TBC1D5: variants seen among roughly 807,000 people sequenced by gnomAD.
The protein encoded by TBC1D5 is TBC1 domain family member 5.
In TBC1D5, 75 loss-of-function variants were observed where a neutral mutation model predicts 100.3. That is an observed-to-expected ratio of 0.75 (90% CI 0.62 to 0.91). TBC1D5 has a LOEUF of 0.91. TBC1D5 is among the 40% of genes least tolerant of loss of function. The pLI, the probability that TBC1D5 is intolerant of heterozygous loss-of-function variation, is 0.00. For synonymous variants in TBC1D5, 323 were observed against 325.6 expected (o/e 0.99, Z 0.09); for missense variants, 910 against 942.4 (o/e 0.97, Z 0.45).
intron 8 of TBC1D5, among the ~76,000 whole-genome samples, chr3:17,389,683 T>C (rs2093291563): frequency 6.6e-6 from 1 of 152,120 alleles, no homozygotes; most frequent in African/African-American, 2.4e-5. Context: ...GCAACAGAGA[T>C]GAGCCATCCT....
chr3:17,459,631 C>T (rs971497445), intron 3 of TBC1D5, among the ~76,000 whole-genome samples: 13 of 151,998 alleles, frequency 8.6e-5, no homozygotes, highest in African/African-American at 3.1e-4. Flanking sequence ...GATGCAGCAG[C>T]GCTCACTTCC....
chr3:17,235,515 C>A (rs2075785753), intron 17 of TBC1D5, among the ~76,000 whole-genome samples: 1 of 152,190 alleles, frequency 6.6e-6, no homozygotes, highest in Admixed American at 6.5e-5. Context: ...TCTATGGGAC[C>A]AGGTGATATG....
At chr3:17,477,171 T>G (rs2095447553) in intron 3 of TBC1D5, among the ~76,000 whole-genome samples, 1 of 152,022 alleles carries the variant, frequency 6.6e-6, no homozygotes, top group Non-Finnish European at 1.5e-5. Context: ...CTTTTCCACT[T>G]TGCTAATAAG....
chr3:17,496,550 G>A (rs2095710076), intron 3 of TBC1D5, among the ~76,000 whole-genome samples: 1 of 151,970 alleles, frequency 6.6e-6, no homozygotes, highest in Non-Finnish European at 1.5e-5. Flanking sequence ...GGCATAAAAT[G>A]GACCATATAG....
intron 3 of TBC1D5, among the ~76,000 whole-genome samples, chr3:17,451,621 A>G (rs1248766035): frequency 6.6e-6 from 1 of 152,212 alleles, no homozygotes; most frequent in Non-Finnish European, 1.5e-5. Context: ...AGAACTAGAA[A>G]TAACACTGGA....
At chr3:17,167,458 C>T (rs1314850770) in intron 20 of TBC1D5, among the ~76,000 whole-genome samples, 1 of 152,156 alleles carries the variant, frequency 6.6e-6, no homozygotes, top group Non-Finnish European at 1.5e-5. Context: ...AATGACTGAA[C>T]ATGATGCTGG....
chr3:17,194,308 T>C (rs536655270), intron 18 of TBC1D5, among the ~76,000 whole-genome samples: 70 of 152,312 alleles, frequency 4.6e-4, no homozygotes, highest in African/African-American at 1.6e-3. Flanking sequence ...TTGGTGACAG[T>C]CCGAAAGACC....
At chr3:17,226,877 C>T (rs2074957658) in intron 17 of TBC1D5, among the ~76,000 whole-genome samples, 1 of 152,250 alleles carries the variant, frequency 6.6e-6, no homozygotes, top group East Asian at 1.9e-4. Flanking sequence ...AATATAGGCT[C>T]ATTCTTAAGC....
intron 1 of TBC1D5, among the ~76,000 whole-genome samples, chr3:17,693,005 A>T (rs1241606582): frequency 6.6e-6 from 1 of 152,216 alleles, no homozygotes; most frequent in African/African-American, 2.4e-5. Context: ...CCCCCTTGGC[A>T]TATGAGGCTC....
At chr3:17,370,722 T>C (rs2092408518) in intron 13 of TBC1D5, among the ~76,000 whole-genome samples, 1 of 152,150 alleles carries the variant, frequency 6.6e-6, no homozygotes, top group African/African-American at 2.4e-5. Flanking sequence ...CTGTATAAAA[T>C]GAGAATATAA....
chr3:17,279,904 AT>A (rs1415223936), intron 15 of TBC1D5, among the ~76,000 whole-genome samples: 1 of 152,198 alleles, frequency 6.6e-6, no homozygotes, highest in Non-Finnish European at 1.5e-5. Context: ...ATGTGTCCCT[AT>A]TTCATTACAT....
intron 13 of TBC1D5, among the ~76,000 whole-genome samples, chr3:17,364,034 C>T (rs1454444997): frequency 6.7e-6 from 1 of 150,354 alleles, no homozygotes; most frequent in Non-Finnish European, 1.5e-5. Context: ...CACCACCACC[C>T]CCTCCCCGGA....
intron 3 of TBC1D5, among the ~76,000 whole-genome samples, chr3:17,437,562 A>G (rs990772839): frequency 3.6e-5 from 5 of 139,954 alleles, no homozygotes; most frequent in East Asian, 4.7e-4. Context: ...GGTAGTATGC[A>G]TGTGTGTGTG....
intron 16 of TBC1D5, among the ~76,000 whole-genome samples, chr3:17,251,498 C>T (rs901545528): frequency 2.4e-4 from 33 of 137,430 alleles, no homozygotes; most frequent in Non-Finnish European, 3.8e-4. Context: ...GGAAAGCAGG[C>T]GGCTAATACC....
At chr3:17,524,954 AT>A (rs936115825) in intron 2 of TBC1D5, among the ~76,000 whole-genome samples, 10 of 152,210 alleles carry the variant, frequency 6.6e-5, no homozygotes, top group Admixed American at 3.9e-4. Context: ...AAAAAAAAAA[AT>A]ATGTACACAG....
chr3:17,521,423 C>T (rs918451887), intron 2 of TBC1D5, among the ~76,000 whole-genome samples: 2 of 152,148 alleles, frequency 1.3e-5, no homozygotes, highest in African/African-American at 4.8e-5. Flanking sequence ...TTTTCTCTAA[C>T]TTTATTGTAA....
chr3:17,514,310 A>G (rs1399086603), intron 2 of TBC1D5, among the ~76,000 whole-genome samples: 1 of 152,200 alleles, frequency 6.6e-6, no homozygotes, highest in African/African-American at 2.4e-5. Flanking sequence ...AGTGCCAAAT[A>G]AATTATATAT....
intron 13 of TBC1D5, among the ~76,000 whole-genome samples, chr3:17,350,501 T>C (rs1472965857): frequency 6.6e-6 from 1 of 152,326 alleles, no homozygotes; most frequent in East Asian, 1.9e-4. Context: ...AAGCTCAGAA[T>C]TGATTGAATG....
intron 1 of TBC1D5, among the ~76,000 whole-genome samples, chr3:17,712,263 A>C (rs2074811615): frequency 6.6e-6 from 1 of 152,198 alleles, no homozygotes; most frequent in South Asian, 2.1e-4. Flanking sequence ...ACTTTTATTA[A>C]AAAGAAATAA....
Sources: gnomAD v4.1 joint callset for allele counts (sites outside exome capture counted in the v4.1 genomes callset) on GRCh38, gnomAD v4.1.1 for gene constraint, MANE v1.5 for transcripts, NCBI Gene and HGNC (gene_info 2026-07-23, HGNC 2026-07-21) for gene names.